Variants in UCHL5 observed in about 807,000 individuals in gnomAD.
UCHL5 encodes ubiquitin carboxyl-terminal hydrolase isozyme L5.
Under a neutral mutation model 53.8 loss-of-function variants are expected in UCHL5, and 34 were observed. That is an observed-to-expected ratio of 0.63 (90% CI 0.48 to 0.84). UCHL5 has a LOEUF of 0.84. Among genes scored for constraint, UCHL5 ranks in the 40% least tolerant of loss-of-function variants. The pLI is 0.00. For synonymous variants in UCHL5, 111 were observed against 126.3 expected, an observed-to-expected ratio of 0.88 and a Z score of 0.81; for missense variants, 290 against 385.6, an observed-to-expected ratio of 0.75 and a Z score of 2.08.
chr1:193,058,930 A>G (rs1671782800), intron 1 of UCHL5, among the ~76,000 whole-genome samples: 1 of 152,228 alleles, frequency 6.6e-6, no homozygotes, highest in Non-Finnish European at 1.5e-5. Context: ...TTTGGGTGCC[A>G]GGTCCTGAGG....
At chr1:193,050,760 A>G (rs1014685389) in intron 2 of UCHL5, among the ~76,000 whole-genome samples, 1 of 151,966 alleles carries the variant, frequency 6.6e-6, no homozygotes, top group Non-Finnish European at 1.5e-5. Flanking sequence ...AAAAAGAAAA[A>G]AAAAAAAAGG....
At chr1:193,036,628 C>T (rs1663610747) in intron 3 of UCHL5, among the ~76,000 whole-genome samples, 1 of 151,912 alleles carries the variant, frequency 6.6e-6, no homozygotes, top group South Asian at 2.1e-4. Flanking sequence ...ACCAAATAAA[C>T]CTAACTGACA....
intron 1 of UCHL5, among the ~76,000 whole-genome samples, chr1:193,056,358 T>C (rs1363157893): frequency 6.6e-6 from 1 of 152,216 alleles, no homozygotes; most frequent in Non-Finnish European, 1.5e-5. Context: ...TCTGTTCCAC[T>C]AATTTCAACT....
chr1:193,051,412 T>C (rs1668999687), intron 2 of UCHL5, among the ~76,000 whole-genome samples: 1 of 151,854 alleles, frequency 6.6e-6, no homozygotes, highest in Non-Finnish European at 1.5e-5. Flanking sequence ...TGAGCTATTG[T>C]TCTTGCTTTT....
intron 1 of UCHL5, among the ~76,000 whole-genome samples, chr1:193,053,116 G>A (rs1309782260): frequency 6.6e-6 from 1 of 152,142 alleles, no homozygotes; most frequent in African/African-American, 2.4e-5. Context: ...GTTTGCGGTG[G>A]AGGAGAACCA....
At chr1:193,027,900 A>C in intron 7 of UCHL5, 185 bp downstream of exon 7, 1 of 1,479,314 alleles carries the variant, frequency 6.8e-7, no homozygotes, top group Non-Finnish European at 9.0e-7. Flanking sequence ...AGGCAGGCGG[A>C]TGGCTTGAGC....
At chr1:193,026,694 TAA>T (rs80265801) in intron 7 of UCHL5, among the ~76,000 whole-genome samples, 17 of 141,622 alleles carry the variant, frequency 1.2e-4, no homozygotes, top group Non-Finnish European at 4.7e-5. Context: ...GGTAGTTTCT[TAA>T]AAAAAAAAAA....
intron 6 of UCHL5, among the ~76,000 whole-genome samples, chr1:193,028,770 G>C (rs1450451769): frequency 6.6e-6 from 1 of 152,044 alleles, no homozygotes; most frequent in Non-Finnish European, 1.5e-5. Flanking sequence ...ATATTTTCTT[G>C]ATTGCAAAAC....
intron 3 of UCHL5, among the ~76,000 whole-genome samples, chr1:193,046,713 G>A (rs1273012507): frequency 6.8e-6 from 1 of 147,124 alleles, no homozygotes; most frequent in Non-Finnish European, 1.5e-5. Context: ...TATAATTTTT[G>A]TATATTTAAA....
Position 193,016,303 on chromosome 1 carries a change from A to C in UCHL5, c.*48T>G. 3.1e-6 allele frequency: 5 copies of C among 1,592,948 alleles called. No homozygotes were observed. Among genetic ancestry groups the C allele is most frequent in the Non-Finnish European group, 3.4e-6 (4 of 1,173,256 alleles). On this transcript the variant is annotated 3_prime_UTR_variant, in exon 11 of 11. Transcript: ENST00000367454. ...AAGTTCTTTATACATAATGGTTTCCATGAAAATATGTGCAGAAGCAGAAAT... is the reference window on the plus strand; with the variant it reads ...AAGTTCTTTATACATAATGGTTTCCCTGAAAATATGTGCAGAAGCAGAAAT...
upstream of UCHL5, chr1:193,059,422 G>T: frequency 6.2e-7 from 1 of 1,610,746 alleles, no homozygotes; most frequent in African/African-American, 1.3e-5. This position sits in a 1 kb window ranked among gnomAD's most constrained non-coding sequence, Gnocchi z 4.9. Context: ...CCTGCAGCGC[G>T]ACTGAGCGCG....
At chr1:193,033,837 T>C (rs1177911142) in intron 3 of UCHL5, among the ~76,000 whole-genome samples, 2 of 152,158 alleles carry the variant, frequency 1.3e-5, no homozygotes, top group African/African-American at 4.8e-5. Flanking sequence ...GTTTGAAAGC[T>C]TGGTAGGAAC....
At chr1:193,022,374 T>A (rs1332594997) in intron 9 of UCHL5, among the ~76,000 whole-genome samples, 1 of 152,060 alleles carries the variant, frequency 6.6e-6, no homozygotes, top group Non-Finnish European at 1.5e-5. Context: ...TTTACTACCA[T>A]AACACATGAC....
intron 2 of UCHL5, 24 bp downstream of exon 2, chr1:193,051,730 T>C: frequency 7.1e-7 from 1 of 1,417,460 alleles, no homozygotes; most frequent in South Asian, 1.2e-5. Context: ...ATATACATAT[T>C]AACACAACTA....
At chr1:193,016,516 C>T (rs1048901911) in intron 10 of UCHL5, 121 bp from the exon 11 acceptor site, 4 of 825,702 alleles carry the variant, frequency 4.8e-6, no homozygotes, top group Non-Finnish European at 7.2e-6. Flanking sequence ...GTTTATAAGA[C>T]TTCTAAAGCA....
intron 3 of UCHL5, 47 bp downstream of exon 3, chr1:193,049,699 T>C (rs1268811185): frequency 6.8e-7 from 1 of 1,470,296 alleles, no homozygotes; most frequent in Non-Finnish European, 9.2e-7. Context: ...GTCTTGTTTA[T>C]AAAAAGGGTT....
At position 193,027,012 on chromosome 1, in the gene UCHL5, A is replaced by C. The variant is rs574943344; in HGVS notation, c.629+1073T>G. On this transcript the variant is annotated intron_variant, in intron 7 of 10. Coordinates refer to ENST00000367454, the MANE Select transcript of UCHL5 (RefSeq NM_001199261.3). ...AATGCGAAAAGGCTACATATTGTAA[A>C]ATTCATATATAACATTCTTTAAATG... 2.0e-5 allele frequency among the ~76,000 whole-genome samples: 3 copies of C among 152,362 alleles called. No individual in the cohort carries two copies. In the East Asian group the frequency reaches 5.8e-4, roughly 29 times the overall value.
rs1007767123 is a variant in UCHL5, at chr1:193,021,150, C to T, written c.889G>A (p.Glu297Lys). 1 of 1,610,648 alleles carries T rather than the reference C, an allele frequency of 6.2e-7. No individual in the cohort carries two copies. Among genetic ancestry groups the T allele is most frequent in the Non-Finnish European group, 8.5e-7 (1 of 1,178,174 alleles). ...TGTTCTGCTAAAGTCTTTAACAATT[C>T]CATAATGAAAGGCAGATAATTATGC... ...RKHNYLPFIM[E>K]LLKTLAEHQQ... The change falls in exon 10 of 11, where the codon GAA becomes AAA. Residue 297 changes from glutamate to lysine, a missense_variant. By Grantham distance (56) the Glu-to-Lys change is moderately conservative. Transcript: ENST00000367454.
chr1:193,046,553 G>A (rs1017421756), intron 3 of UCHL5, among the ~76,000 whole-genome samples: 58 of 151,404 alleles, frequency 3.8e-4, no homozygotes, highest in African/African-American at 1.3e-3. Flanking sequence ...TCTAGGACTC[G>A]GTTTCCACAT....
Sources: allele counts gnomAD v4.1 joint callset (sites outside exome capture counted in the v4.1 genomes callset), GRCh38; gene constraint gnomAD v4.1.1; non-coding constraint Gnocchi (gnomAD v3.1); transcripts MANE v1.5; gene names NCBI Gene and HGNC (gene_info 2026-07-23, HGNC 2026-07-21).